TBC1D8: variants seen among roughly 807,000 people sequenced by gnomAD.
TBC1D8 encodes the protein TBC1 domain family member 8.
In TBC1D8, 65 loss-of-function variants were observed where a neutral mutation model predicts 118.8. The ratio of observed to expected loss-of-function variants is 0.55; its 90% CI spans 0.45 to 0.67. The LOEUF is 0.67. Ranked by LOEUF, TBC1D8 falls within the 30% of genes least tolerant of loss-of-function variation. TBC1D8 has a pLI of 0.00. For synonymous variants in TBC1D8, 566 were observed against 595.8 expected (o/e 0.95, Z 0.73); for missense variants, 1,376 against 1,471.2 (o/e 0.94, Z 1.06).
chr2:101,048,137 T>C (rs918089810), intron 5 of TBC1D8, among the ~76,000 whole-genome samples: 1 of 152,210 alleles, frequency 6.6e-6, no homozygotes, highest in African/African-American at 2.4e-5. Flanking sequence ...AAGCTTCAAA[T>C]GGTGCTCCTG....
At chr2:101,035,143 G>A (rs1040273774) in intron 9 of TBC1D8, among the ~76,000 whole-genome samples, 2 of 152,164 alleles carry the variant, frequency 1.3e-5, no homozygotes, top group South Asian at 2.1e-4. Context: ...ACGGAGCAGG[G>A]CACAGGTACC....
intron 3 of TBC1D8, 128 bp from the exon 4 acceptor site, chr2:101,054,464 GAC>G (rs979937163): frequency 1.0e-5 from 9 of 884,010 alleles, no homozygotes; most frequent in African/African-American, 1.7e-5. Flanking sequence ...TTCAACGACA[GAC>G]ACACCTGACG....
chr2:101,033,250 G>C, intron 10 of TBC1D8: 2 of 412,652 alleles, frequency 4.8e-6, no homozygotes, highest in South Asian at 4.1e-5. Flanking sequence ...CTGAGTAGCT[G>C]GGATTACAGG....
At chr2:101,102,814 G>A (rs921422762) in intron 1 of TBC1D8, among the ~76,000 whole-genome samples, 1 of 151,838 alleles carries the variant, frequency 6.6e-6, no homozygotes, top group Non-Finnish European at 1.5e-5. Context: ...AGGCCAAGGT[G>A]GGAAGACTGC....
intron 1 of TBC1D8, among the ~76,000 whole-genome samples, chr2:101,137,534 G>C (rs919203819): frequency 6.6e-6 from 1 of 151,038 alleles, no homozygotes; most frequent in South Asian, 2.1e-4. Flanking sequence ...GGATGGTCTC[G>C]ATCTCCTGAC....
At chr2:101,137,725 CCA>C (rs1678918784) in intron 1 of TBC1D8, among the ~76,000 whole-genome samples, 1 of 152,130 alleles carries the variant, frequency 6.6e-6, no homozygotes, top group African/African-American at 2.4e-5. Context: ...AGCATTTACC[CCA>C]GACAAGACAG....
intron 2 of TBC1D8, among the ~76,000 whole-genome samples, chr2:101,061,060 C>T (rs1039886569): frequency 2.0e-5 from 3 of 151,768 alleles, no homozygotes; most frequent in African/African-American, 7.3e-5. Flanking sequence ...CGGTGGTGGG[C>T]CCCCCTAATC....
rs1370503294 is a variant in TBC1D8 at position 101,009,169 on chromosome 2, G to A, written c.3016-896C>T. Among the ~76,000 whole-genome samples the A allele has an allele frequency of 5.9e-5, 9 of 152,140 alleles. No individual in the cohort carries two copies. In the South Asian group the frequency reaches 8.3e-4, roughly 14 times the overall value. On this transcript the variant is annotated intron_variant, in intron 19 of 19. Coordinates refer to ENST00000409318, the MANE Select transcript of TBC1D8 (RefSeq NM_001330348.2). ...AGCACTTTGGGAGGCCAAGGCAGGC[G>A]GATCACGAGGTCAGGAGATTGAGAC...
chr2:101,052,038 C>G (rs1682107995), intron 4 of TBC1D8, among the ~76,000 whole-genome samples: 1 of 152,182 alleles, frequency 6.6e-6, no homozygotes, highest in East Asian at 1.9e-4. Flanking sequence ...CAACATATAC[C>G]TTTCTCAAGA....
At chr2:101,016,192 T>C (rs1679621292) in intron 17 of TBC1D8, among the ~76,000 whole-genome samples, 1 of 152,090 alleles carries the variant, frequency 6.6e-6, no homozygotes. Flanking sequence ...AGGGCTAATA[T>C]CCAGAATCTA....
At chr2:101,076,837 T>C (rs954085968) in intron 2 of TBC1D8, among the ~76,000 whole-genome samples, 2 of 152,150 alleles carry the variant, frequency 1.3e-5, no homozygotes, top group Non-Finnish European at 1.5e-5. Flanking sequence ...ATAGTATAAA[T>C]GATGTATTAG....
intron 1 of TBC1D8, among the ~76,000 whole-genome samples, chr2:101,108,469 A>G (rs1182392809): frequency 6.6e-6 from 1 of 152,220 alleles, no homozygotes; most frequent in East Asian, 1.9e-4. Flanking sequence ...AGCTTAAAAC[A>G]AAACAAACGT....
chr2:101,067,566 C>A (rs980117318), intron 2 of TBC1D8, among the ~76,000 whole-genome samples: 1 of 152,322 alleles, frequency 6.6e-6, no homozygotes, highest in Non-Finnish European at 1.5e-5. Flanking sequence ...GAAAGCATTA[C>A]GTCTTCTAAA....
At position 101,019,121 on chromosome 2, in the gene TBC1D8, A is replaced by C. The variant is rs369132251; in HGVS notation, c.2827+2560T>G. ...AGCTGCAGCAGATGCCTTTACAACCAAGCTCACCGAGGACGTCTGTCTCCC... is the reference window on the plus strand; with the variant it reads ...AGCTGCAGCAGATGCCTTTACAACCCAGCTCACCGAGGACGTCTGTCTCCC... On this transcript the variant is annotated intron_variant, in intron 17 of 19. Transcript: ENST00000409318. 32 of 1,539,652 alleles carry C rather than the reference A, an allele frequency of 2.1e-5. No individual in the cohort carries two copies. The East Asian group carries it at 4.3e-4, about 21-fold the overall frequency.
intron 1 of TBC1D8, among the ~76,000 whole-genome samples, chr2:101,121,040 G>A (rs1485109437): frequency 6.6e-6 from 1 of 152,154 alleles, no homozygotes; most frequent in African/African-American, 2.4e-5. Flanking sequence ...GAACTCACAA[G>A]TAGCATGATA....
At chr2:101,103,355 CAA>C (rs200886858) in intron 1 of TBC1D8, among the ~76,000 whole-genome samples, 4 of 101,180 alleles carry the variant, frequency 4.0e-5, no homozygotes, top group Non-Finnish European at 8.2e-5. Flanking sequence ...AAGCAGGAAA[CAA>C]AAAAAAAAAA....
chr2:101,129,373 A>C (rs62152486), intron 1 of TBC1D8, among the ~76,000 whole-genome samples: 100,830 of 151,828 alleles, frequency 0.66, 33,830 homozygotes, highest in East Asian at 0.79. Context: ...GAACTCCTGA[A>C]CTCGGGTAAT....
chr2:101,073,153 T>C (rs2105438427), intron 2 of TBC1D8, among the ~76,000 whole-genome samples: 1 of 146,536 alleles, frequency 6.8e-6, no homozygotes, highest in African/African-American at 2.5e-5. Context: ...AGCCCCTATA[T>C]CAAGAGGAGC....
At position 101,040,218 on chromosome 2, in the gene TBC1D8, C is replaced by T. The variant is rs376684318; in HGVS notation, c.1040G>A (p.Arg347Lys). The T allele has an allele frequency of 1.0e-4, 169 of 1,613,934 alleles. No individual in the cohort carries two copies. Among genetic ancestry groups the T allele is most frequent in the Non-Finnish European group, 1.3e-4 (149 of 1,179,922 alleles). ...ASDSYICFAS[R>K]EDGCCKIILP... The stretch of plus-strand genomic sequence containing the variant: ...GATGATCTTACAGCAGCCATCTTCT[C>T]TGCTGGCAAAGCAGATGTAGCTGTC... Residue 347 changes from arginine (R) to lysine (K), a missense_variant, in exon 6 of 20, where the codon AGA becomes AAA. Coordinates refer to ENST00000409318, the MANE Select transcript of TBC1D8 (RefSeq NM_001330348.2).
Sources: gnomAD v4.1 joint callset for allele counts (sites outside exome capture counted in the v4.1 genomes callset) on GRCh38, gnomAD v4.1.1 for gene constraint, MANE v1.5 for transcripts, NCBI Gene and HGNC (gene_info 2026-07-23, HGNC 2026-07-21) for gene names.